Variants in NUP43 observed in about 807,000 individuals in gnomAD.
NUP43 encodes nucleoporin Nup43.
In NUP43, 32 loss-of-function variants were observed where a neutral mutation model predicts 47.3. That is an observed-to-expected ratio of 0.68 (90% CI 0.51 to 0.91). The LOEUF is 0.91. NUP43 is among the 40% of genes least tolerant of loss of function. The pLI is 0.00. For missense variants in NUP43, 444 were observed against 453.9 expected (o/e 0.98, Z 0.20); for synonymous variants, 147 against 158.4 (o/e 0.93, Z 0.54).
intron 2 of NUP43, among the ~76,000 whole-genome samples, chr6:149,744,523 A>G (rs1037485159): frequency 1.4e-5 from 2 of 147,424 alleles, no homozygotes; most frequent in African/African-American, 5.0e-5. Context: ...ACTCGTCATA[A>G]AAAAGAAAAA....
chr6:149,736,482 T>C lies in NUP43; in HGVS notation c.779A>G (p.His260Arg), dbSNP rs1194183864. 1 of 1,580,320 alleles carries C rather than the reference T, an allele frequency of 6.3e-7. No individual in the cohort carries two copies. Among genetic ancestry groups the C allele is most frequent in the Non-Finnish European group, 8.7e-7 (1 of 1,153,410 alleles). Residue 260 changes from histidine to arginine, a missense_variant, in exon 6 of 8, where the codon CAT (histidine) becomes CGT (arginine). His to Arg is a conservative substitution (Grantham distance 29). Transcript: ENST00000340413. Reference protein sequence around the residue: ...GTMPVSLLKAHEAEMWEVHFH... With the variant: ...GTMPVSLLKAREAEMWEVHFH... Reference sequence around the variant, plus strand: ...TTCACAATACTTACTTTCAGCTTCATGAGCCTTCAGCAGAGATACAGGCAT... The same window carrying C: ...TTCACAATACTTACTTTCAGCTTCACGAGCCTTCAGCAGAGATACAGGCAT...
At chr6:149,746,677 A>AT, upstream of NUP43, 1 of 1,547,470 alleles carries the variant, frequency 6.5e-7, no homozygotes, top group East Asian at 2.5e-5. Context: ...AGGCCCACCC[A>AT]TCTCACAGAG....
chr6:149,728,060 CTT>C (rs1281899970), intron 7 of NUP43: 2 of 985,262 alleles, frequency 2.0e-6, no homozygotes, highest in Non-Finnish European at 2.4e-6. Flanking sequence ...TCTAAGAAAA[CTT>C]TGAAGACAAC....
chr6:149,728,215 T>C, intron 7 of NUP43: 1 of 983,446 alleles, frequency 1.0e-6, no homozygotes, highest in Non-Finnish European at 1.2e-6. Context: ...GCAGGATGCA[T>C]ATTTTATATG....
Position 149,726,973 on chromosome 6 carries a change from G to A in NUP43, c.1139C>T (p.Ser380Leu), listed in dbSNP as rs767281527. 16 of 1,610,500 alleles carry A rather than the reference G, an allele frequency of 9.9e-6. No homozygotes were observed. In the South Asian group the frequency reaches 1.2e-4, roughly 12 times the overall value. ...EAIYVTRHLFS is the reference protein window; with the variant it reads ...EAIYVTRHLFL Reference sequence around the variant, plus strand: ...AATCTTATAATTATAGTACTTCTACGAAAAAAGATGTCTAGTAACATAAAT... The same window carrying A: ...AATCTTATAATTATAGTACTTCTACAAAAAAAGATGTCTAGTAACATAAAT... The change falls in exon 8 of 8, where the codon TCG becomes TTG. Residue 380 changes from serine (S) to leucine (L), a missense_variant. Transcript: ENST00000340413.
chr6:149,729,540 C>A (rs12526675), intron 7 of NUP43: 345,822 of 980,250 alleles, frequency 0.35, 63,203 homozygotes, highest in East Asian at 0.82. Context: ...CAAACTTTTA[C>A]AGCATTTTCA....
In NUP43 at chr6:149,727,183, G is replaced by A; in HGVS notation, c.929C>T (p.Thr310Ile). 2 of 1,613,596 alleles carry A rather than the reference G, an allele frequency of 1.2e-6. No individual in the cohort carries two copies. Among genetic ancestry groups the A allele is most frequent in the South Asian group, 2.2e-5 (2 of 91,020 alleles). The change falls in exon 8 of 8, where the codon ACT becomes ATT. Residue 310 changes from threonine (T) to isoleucine (I), a missense_variant. Transcript: ENST00000340413. ...SLFHQGGRSSTFLSHSISNQA... is the reference protein window; with the variant it reads ...SLFHQGGRSSIFLSHSISNQA... ...GTTACTAATGCTATGAGACAAAAAA[G>A]TACTGCTTCTTCCTCCTGGGAGAAA...
chr6:149,733,301 G>C (rs1785154907), intron 6 of NUP43, among the ~76,000 whole-genome samples: 1 of 152,114 alleles, frequency 6.6e-6, no homozygotes, highest in South Asian at 2.1e-4. Flanking sequence ...CCAAGAATTT[G>C]GATCCAGTCT....
intron 2 of NUP43, 118 bp downstream of exon 2, chr6:149,745,822 G>A (rs544608375): frequency 9.8e-6 from 8 of 813,406 alleles, no homozygotes; most frequent in Admixed American, 2.7e-5. Context: ...ATAACTTACA[G>A]AGCACTCAGT....
At chr6:149,732,745 G>A (rs1269268809) in intron 6 of NUP43, among the ~76,000 whole-genome samples, 1 of 149,816 alleles carries the variant, frequency 6.7e-6, no homozygotes, top group African/African-American at 2.5e-5. Context: ...ACTTGGGAGG[G>A]TGAGGTAGGA....
chr6:149,732,043 G>C (rs186269387), intron 6 of NUP43, among the ~76,000 whole-genome samples: 212 of 151,792 alleles, frequency 1.4e-3, no homozygotes, highest in African/African-American at 4.9e-3. Context: ...TTAGCCAGGC[G>C]TGGTGGCGCG....
intron 7 of NUP43, among the ~76,000 whole-genome samples, chr6:149,730,988 T>C (rs560047071): frequency 6.6e-6 from 1 of 151,864 alleles, no homozygotes; most frequent in African/African-American, 2.4e-5. Flanking sequence ...CATAACAGGC[T>C]GGGCACAGTG....
At chr6:149,746,740 C>T, upstream of NUP43, 5 of 1,378,586 alleles carry the variant, frequency 3.6e-6, no homozygotes, top group South Asian at 1.3e-5. Context: ...AGGACTTGCT[C>T]CTAATCTGCA....
At position 149,746,226 on chromosome 6, in the gene NUP43, G is replaced by A. The variant is rs538931604; in HGVS notation, c.120+150C>T. On this transcript the variant is annotated intron_variant, in intron 1 of 7. Coordinates refer to ENST00000340413, the MANE Select transcript of NUP43 (RefSeq NM_198887.3). Reference sequence around the variant, plus strand: ...TCAGGCATGCCATCACCGGCTCTGAGCTACGGAGCAACCGCGCCTGAGACA... The same window carrying A: ...TCAGGCATGCCATCACCGGCTCTGAACTACGGAGCAACCGCGCCTGAGACA... The A allele has an allele frequency of 3.7e-6, 5 of 1,343,794 alleles. No individual in the cohort carries two copies. The South Asian group carries it at 4.0e-5, about 11-fold the overall frequency. 83.2% of individuals were successfully genotyped at this position (1,343,794 alleles called of 1,614,324 possible). A position where few individuals can be genotyped will look rare whatever the true frequency, so the allele number is the denominator to read the frequency against.
In NUP43 at chr6:149,736,510, T is replaced by C. The variant is rs1466400091; in HGVS notation, c.751A>G (p.Thr251Ala). The C allele has an allele frequency of 1.2e-6, 2 of 1,610,798 alleles. No individual in the cohort carries two copies. Among genetic ancestry groups the C allele is most frequent in the South Asian group, 1.1e-5 (1 of 90,928 alleles). The change falls in exon 6 of 8, where the codon ACT becomes GCT. Residue 251 changes from threonine to alanine, a missense_variant. Coordinates refer to ENST00000340413, the MANE Select transcript of NUP43 (RefSeq NM_198887.3). ...GCCTTCAGCAGAGATACAGGCATAGTACCTTGTCTAACATCCCAAATACTC... is the reference window on the plus strand; with the variant it reads ...GCCTTCAGCAGAGATACAGGCATAGCACCTTGTCTAACATCCCAAATACTC... ...MLSIWDVRQGTMPVSLLKAHE... is the reference protein window; with the variant it reads ...MLSIWDVRQGAMPVSLLKAHE...
chr6:149,727,385 T>C (rs888540393), intron 7 of NUP43, 187 bp from the exon 8 acceptor site: 32 of 984,418 alleles, frequency 3.3e-5, no homozygotes, highest in South Asian at 4.7e-5. Flanking sequence ...ATATTAAATA[T>C]TCAAATTTCC....
upstream of NUP43, chr6:149,746,716 G>A: frequency 6.7e-7 from 1 of 1,492,176 alleles, no homozygotes; most frequent in Non-Finnish European, 9.0e-7. Context: ...AGAGCGCTTT[G>A]GCCTTTGAGC....
rs756078071 is a variant in NUP43, at chr6:149,744,885, TTTTA to T, written c.243+1051_243+1054del. Among the ~76,000 whole-genome samples the T allele has an allele frequency of 4.6e-3, 691 of 150,854 alleles. 3 individuals are homozygous for T. Among genetic ancestry groups the T allele is most frequent in the African/African-American group, 0.01 (421 of 41,228 alleles). On this transcript the variant is annotated intron_variant, in intron 2 of 7. Transcript: ENST00000340413. The stretch of plus-strand genomic sequence containing the variant: ...TAGAGCTAGATAGCTTTCTTTTTTA[TTTTA>T]TTTATTTATTTATTTATTTATTTAT...
chr6:149,744,136 G>A (rs1291622816), intron 2 of NUP43, among the ~76,000 whole-genome samples: 2 of 152,136 alleles, frequency 1.3e-5, no homozygotes, highest in African/African-American at 4.8e-5. Flanking sequence ...AGTTGGGGTT[G>A]TAGGGAAGTG....
Sources: gnomAD v4.1 joint callset for allele counts (sites outside exome capture counted in the v4.1 genomes callset) on GRCh38, gnomAD v4.1.1 for gene constraint, MANE v1.5 for transcripts, NCBI Gene and HGNC (gene_info 2026-07-23, HGNC 2026-07-21) for gene names.